Variants in MAGI2 observed in about 807,000 individuals in gnomAD.
MAGI2 encodes the protein membrane-associated guanylate kinase, WW and PDZ domain-containing protein 2.
Under a neutral mutation model 133.3 loss-of-function variants are expected in MAGI2, and 35 were observed. The observed-to-expected ratio is 0.26, with a 90% confidence interval of 0.20 to 0.35. MAGI2 has a LOEUF of 0.35. Ranked by LOEUF, MAGI2 falls within the 10% of genes least tolerant of loss-of-function variation. The probability of loss-of-function intolerance (pLI) is 1.00; values close to 1 mark genes in which losing one functional copy is unlikely to be tolerated. For missense variants in MAGI2, 1,636 were observed against 1,863.4 expected, an observed-to-expected ratio of 0.88 and a Z score of 2.25; for synonymous variants, 729 against 710.6, an observed-to-expected ratio of 1.03 and a Z score of -0.41.
At chr7:79,300,985 A>G (rs1837354639) in intron 1 of MAGI2, among the ~76,000 whole-genome samples, 1 of 152,256 alleles carries the variant, frequency 6.6e-6, no homozygotes, top group Admixed American at 6.5e-5. Context: ...TATGGTGTCA[A>G]GCCTGCGAGT....
chr7:78,547,566 C>A (rs537402174), intron 3 of MAGI2, among the ~76,000 whole-genome samples: 1 of 152,356 alleles, frequency 6.6e-6, no homozygotes, highest in South Asian at 2.1e-4. Flanking sequence ...TATTTCAGGG[C>A]TGAGGATGGC....
intron 2 of MAGI2, among the ~76,000 whole-genome samples, chr7:78,846,024 A>G (rs886488902): frequency 6.6e-6 from 1 of 151,950 alleles, no homozygotes; most frequent in Non-Finnish European, 1.5e-5. Context: ...TGAATTGTTT[A>G]CAACAAATCT....
chr7:78,788,974 C>T (rs935334873), intron 2 of MAGI2, among the ~76,000 whole-genome samples: 12 of 152,158 alleles, frequency 7.9e-5, no homozygotes, highest in African/African-American at 2.9e-4. Flanking sequence ...GTCCAGATCT[C>T]ATTGGTCTCC....
intron 1 of MAGI2, among the ~76,000 whole-genome samples, chr7:79,255,071 A>G (rs554101603): frequency 1.4e-4 from 21 of 152,172 alleles, no homozygotes; most frequent in Admixed American, 3.9e-4. Flanking sequence ...TCTGTATGAC[A>G]CGTATTTTTC....
chr7:78,984,268 G>A (rs1017965257), intron 2 of MAGI2, among the ~76,000 whole-genome samples: 4 of 151,774 alleles, frequency 2.6e-5, no homozygotes, highest in South Asian at 2.1e-4. Flanking sequence ...CTTCCATTCC[G>A]ACTCCTGTTC....
chr7:79,368,450 T>G (rs1842859374), intron 1 of MAGI2, among the ~76,000 whole-genome samples: 1 of 152,162 alleles, frequency 6.6e-6, no homozygotes, highest in Non-Finnish European at 1.5e-5. Flanking sequence ...GTTAGTGTTA[T>G]TTTTTAGAGC....
At chr7:78,567,989 C>G (rs1356499246) in intron 3 of MAGI2, 1 of 152,242 alleles carries the variant, frequency 6.6e-6, no homozygotes, top group Non-Finnish European at 1.5e-5. Flanking sequence ...CTTTCTCAGT[C>G]TTCGTCTTAG....
At chr7:78,385,481 A>C (rs1410785017) in intron 6 of MAGI2, among the ~76,000 whole-genome samples, 1 of 152,168 alleles carries the variant, frequency 6.6e-6, no homozygotes, top group Non-Finnish European at 1.5e-5. Context: ...TTAGTGTGTA[A>C]CTGTAACAAT....
At chr7:78,890,882 C>G (rs1363247362) in intron 2 of MAGI2, among the ~76,000 whole-genome samples, 1 of 152,034 alleles carries the variant, frequency 6.6e-6, no homozygotes, top group African/African-American at 2.4e-5. Flanking sequence ...AAGATCAGAG[C>G]AGAACTGAAG....
chr7:78,828,567 C>T, intron 2 of MAGI2, among the ~76,000 whole-genome samples: 1 of 152,134 alleles, frequency 6.6e-6, no homozygotes, highest in African/African-American at 2.4e-5. Context: ...AATATGGTAT[C>T]TTGGACAGGA....
At chr7:78,876,861 T>A (rs1268427019) in intron 2 of MAGI2, among the ~76,000 whole-genome samples, 1 of 152,236 alleles carries the variant, frequency 6.6e-6, no homozygotes, top group Non-Finnish European at 1.5e-5. Context: ...GGAAATCTTT[T>A]GTACATATGT....
At chr7:78,102,004 A>G (rs559925853) in intron 20 of MAGI2, among the ~76,000 whole-genome samples, 1 of 152,336 alleles carries the variant, frequency 6.6e-6, no homozygotes, top group South Asian at 2.1e-4. Flanking sequence ...TGGAATATAT[A>G]TATGAATGTA....
At chr7:78,323,588 C>T (rs1382032424) in intron 9 of MAGI2, among the ~76,000 whole-genome samples, 5 of 152,274 alleles carry the variant, frequency 3.3e-5, no homozygotes, top group East Asian at 1.9e-4. Context: ...TGCTTCATTA[C>T]GCTTAGTCTA....
At chr7:78,455,942 G>A (rs1789269919) in intron 6 of MAGI2, among the ~76,000 whole-genome samples, 1 of 151,292 alleles carries the variant, frequency 6.6e-6, no homozygotes, top group Non-Finnish European at 1.5e-5. Context: ...TCAGAACCTG[G>A]GTCTGGGCAT....
chr7:79,375,828 C>A lies in MAGI2; in HGVS notation c.301+77192G>T, dbSNP rs1482466040. Among the ~76,000 whole-genome samples, 6 of 151,944 alleles carry A rather than the reference C, an allele frequency of 3.9e-5. No individual in the cohort carries two copies. In the East Asian group the frequency reaches 1.2e-3, roughly 29 times the overall value. ...ATTATAGAACATATAAGCAGATAGG[C>A]TTGAATTATCAGTATTTAAAATATT... On this transcript the variant is annotated intron_variant, in intron 1 of 21. Coordinates refer to ENST00000354212, the MANE Select transcript of MAGI2 (RefSeq NM_012301.4).
intron 1 of MAGI2, among the ~76,000 whole-genome samples, chr7:79,366,582 A>C (rs770463194): frequency 9.2e-5 from 14 of 152,192 alleles, no homozygotes; most frequent in Non-Finnish European, 2.1e-4. Context: ...GAAAAATTTG[A>C]ATAATATTGG....
intron 6 of MAGI2, among the ~76,000 whole-genome samples, chr7:78,445,473 G>A (rs1445845739): frequency 6.6e-6 from 1 of 151,946 alleles, no homozygotes; most frequent in African/African-American, 2.4e-5. Context: ...ATGTCTGTTG[G>A]TTGATATATA....
At chr7:79,361,356 C>T (rs1383146624) in intron 1 of MAGI2, among the ~76,000 whole-genome samples, 1 of 151,560 alleles carries the variant, frequency 6.6e-6, no homozygotes, top group Non-Finnish European at 1.5e-5. Flanking sequence ...AGAGTGTGGT[C>T]CCTTTAAATG....
At chr7:78,260,084 A>T (rs752748718) in intron 9 of MAGI2, among the ~76,000 whole-genome samples, 2 of 152,178 alleles carry the variant, frequency 1.3e-5, no homozygotes, top group Non-Finnish European at 2.9e-5. Context: ...ATCACAGGAT[A>T]AAACTATATA....
Sources: allele counts gnomAD v4.1 joint callset (sites outside exome capture counted in the v4.1 genomes callset), GRCh38; gene constraint gnomAD v4.1.1; transcripts MANE v1.5; gene names NCBI Gene and HGNC (gene_info 2026-07-23, HGNC 2026-07-21).